Variants in SLIT2 observed in about 807,000 individuals in gnomAD.
SLIT2 encodes the protein slit guidance ligand 2, also known as slit homolog 2 protein.
SLIT2 carries 41 observed loss-of-function variants against 185.7 expected under a neutral mutation model. The ratio of observed to expected loss-of-function variants is 0.22; its 90% CI spans 0.17 to 0.29. SLIT2 has a LOEUF of 0.29. Ranked by LOEUF, SLIT2 falls within the 10% of genes least tolerant of loss-of-function variation. SLIT2 has a pLI of 1.00. For missense variants in SLIT2, 1,571 were observed against 1,909.0 expected (o/e 0.82, Z 3.30); for synonymous variants, 693 against 680.2 (o/e 1.02, Z -0.29).
intron 11 of SLIT2, among the ~76,000 whole-genome samples, chr4:20,516,580 A>T (rs533197119): frequency 6.6e-6 from 1 of 152,030 alleles, no homozygotes; most frequent in Admixed American, 6.6e-5. Context: ...CTTAGTTTAT[A>T]TCTTTATGTG....
intron 14 of SLIT2, 118 bp from the exon 15 acceptor site, chr4:20,525,024 GCTGTGAA>G: frequency 1.4e-6 from 1 of 704,730 alleles, no homozygotes; most frequent in Non-Finnish European, 2.5e-6. Flanking sequence ...TTCAGTCACA[GCTGTGAA>G]TATACATTTT....
chr4:20,529,858 C>T (rs1401182021), intron 16 of SLIT2, among the ~76,000 whole-genome samples: 1 of 152,162 alleles, frequency 6.6e-6, no homozygotes, highest in African/African-American at 2.4e-5. Flanking sequence ...ATATATAGCA[C>T]CATCTGGTAT....
At chr4:20,429,624 G>A (rs1415339942) in intron 4 of SLIT2, among the ~76,000 whole-genome samples, 2 of 152,196 alleles carry the variant, frequency 1.3e-5, no homozygotes, top group Non-Finnish European at 2.9e-5. Context: ...AGTGGGAAAA[G>A]GGGAGAGCTA....
chr4:20,594,738 T>C (rs1043386640), intron 30 of SLIT2, among the ~76,000 whole-genome samples: 41 of 152,190 alleles, frequency 2.7e-4, no homozygotes, highest in African/African-American at 9.4e-4. Flanking sequence ...GTGGAATTAA[T>C]TATTCAACAG....
At chr4:20,374,546 G>A (rs1723859204) in intron 4 of SLIT2, among the ~76,000 whole-genome samples, 2 of 152,034 alleles carry the variant, frequency 1.3e-5, no homozygotes, top group African/African-American at 2.4e-5. Flanking sequence ...TATCTGATAA[G>A]TTGAGTCTTT....
intron 4 of SLIT2, among the ~76,000 whole-genome samples, chr4:20,284,167 TG>T (rs771192498): frequency 1.3e-5 from 2 of 152,128 alleles, no homozygotes; most frequent in Non-Finnish European, 2.9e-5. Flanking sequence ...GCCTGGAGAA[TG>T]GGGCCCCTTT....
chr4:20,497,570 G>C (rs1003850593), intron 9 of SLIT2, among the ~76,000 whole-genome samples: 13 of 152,076 alleles, frequency 8.5e-5, no homozygotes, highest in Non-Finnish European at 7.4e-5. Flanking sequence ...ACTAAGAGCT[G>C]TTTTATATTA....
chr4:20,296,308 G>T lies in SLIT2; in HGVS notation c.395+27427G>T, dbSNP rs371155167. On this transcript the variant is annotated intron_variant, in intron 4 of 36. Transcript: ENST00000504154. The stretch of plus-strand genomic sequence containing the variant: ...AGAATGAAATAAAAAATAAAGCAAT[G>T]ATCTGAACTAGAAAAAAAAGTTTTA... Among the ~76,000 whole-genome samples the T allele has an allele frequency of 3.3e-5, 5 of 152,228 alleles. 1 individual carries two copies. In the South Asian group the frequency reaches 8.3e-4, roughly 25 times the overall value.
intron 29 of SLIT2, chr4:20,573,301 C>T (rs1174902396): frequency 4.3e-6 from 3 of 702,866 alleles, no homozygotes; most frequent in South Asian, 3.0e-5. Context: ...TCATTTTAGT[C>T]TCCCTCTTTC....
At chr4:20,378,115 GA>G (rs1456931787) in intron 4 of SLIT2, among the ~76,000 whole-genome samples, 1 of 152,060 alleles carries the variant, frequency 6.6e-6, no homozygotes, top group Non-Finnish European at 1.5e-5. Context: ...AATTATGATT[GA>G]AAAAGGCAGA....
At chr4:20,494,789 A>G (rs568711347) in intron 9 of SLIT2, among the ~76,000 whole-genome samples, 2 of 152,042 alleles carry the variant, frequency 1.3e-5, no homozygotes, top group East Asian at 3.9e-4. Flanking sequence ...AAAAAAAAAA[A>G]AAAGTACTAA....
chr4:20,419,959 A>G (rs1323976063), intron 4 of SLIT2, among the ~76,000 whole-genome samples: 1 of 152,122 alleles, frequency 6.6e-6, no homozygotes, highest in Non-Finnish European at 1.5e-5. Context: ...AATGTGGAAC[A>G]TTAACATGGC....
chr4:20,590,350 G>T (rs1473691542), intron 30 of SLIT2, among the ~76,000 whole-genome samples: 1 of 152,144 alleles, frequency 6.6e-6, no homozygotes, highest in African/African-American at 2.4e-5. Flanking sequence ...GGTGACATTT[G>T]TAATGTCTTC....
chr4:20,618,170 C>A (rs1265403549), intron 36 of SLIT2, among the ~76,000 whole-genome samples: 1 of 152,160 alleles, frequency 6.6e-6, no homozygotes, highest in Non-Finnish European at 1.5e-5. Context: ...TCTTAGTTCA[C>A]CTTCCTCCTT....
rs1037199823 is a variant in SLIT2, at chr4:20,494,400, T to C, written c.914+2501T>C. On this transcript the variant is annotated intron_variant, in intron 9 of 36. Transcript: ENST00000504154. ...GGTTACATCATTGTGTATAAGAAAG[T>C]GAGAAGCGGGACCAAAACTGGAAAG... Among the ~76,000 whole-genome samples the C allele has an allele frequency of 2.0e-5, 3 of 152,086 alleles. No homozygotes were observed. In the South Asian group the frequency reaches 6.2e-4, roughly 31 times the overall value.
intron 4 of SLIT2, among the ~76,000 whole-genome samples, chr4:20,456,698 G>C (rs555268995): frequency 6.6e-6 from 1 of 152,160 alleles, no homozygotes; most frequent in South Asian, 2.1e-4. Context: ...TTCAGGAAAT[G>C]ATTATTTCCT....
Position 20,539,573 on chromosome 4 carries a change from T to A in SLIT2, c.1965T>A (p.Ser655=). 6.2e-7 allele frequency: 1 copy of A among 1,609,352 alleles called. No homozygotes were observed. Among genetic ancestry groups the A allele is most frequent in the Non-Finnish European group, 8.5e-7 (1 of 1,176,246 alleles). Residue 655 remains serine (S), a synonymous_variant, in exon 19 of 37, where the codon TCT becomes TCA. Coordinates refer to ENST00000504154, the MANE Select transcript of SLIT2 (RefSeq NM_004787.4). ...CAGGGGCATTTGATACTCTCCATTC[T>A]TTATCTACTCTGTAAGTATGAAAAA... ...VAPGAFDTLH[S]LSTLNLLANP... is the part of the protein sequence containing the mutation.
chr4:20,318,349 C>T (rs1718774173), intron 4 of SLIT2, among the ~76,000 whole-genome samples: 1 of 152,132 alleles, frequency 6.6e-6, no homozygotes, highest in Non-Finnish European at 1.5e-5. Flanking sequence ...GCTGAATTTG[C>T]ATTTCTTATT....
chr4:20,318,727 C>T (rs1204461876), intron 4 of SLIT2, among the ~76,000 whole-genome samples: 1 of 152,032 alleles, frequency 6.6e-6, no homozygotes, highest in Admixed American at 6.6e-5. Context: ...CTGCATAAAG[C>T]CTACAGAGCT....
Sources: allele counts gnomAD v4.1 joint callset (sites outside exome capture counted in the v4.1 genomes callset), GRCh38; gene constraint gnomAD v4.1.1; transcripts MANE v1.5; gene names NCBI Gene and HGNC (gene_info 2026-07-23, HGNC 2026-07-21).